The following PKD1 variants were observed in gnomAD, a reference collection of about 807,000 sequenced individuals.
PKD1 encodes the protein polycystin 1, transient receptor potential channel interacting.
Under a neutral mutation model 361.7 loss-of-function variants are expected in PKD1, and 81 were observed. The observed-to-expected ratio is 0.22, with a 90% CI of 0.19 to 0.27. The LOEUF (loss-of-function observed/expected upper bound fraction) is 0.27. Among genes scored for constraint, PKD1 ranks in the 10% least tolerant of loss-of-function variants. The pLI, the probability that PKD1 is intolerant of heterozygous loss-of-function variation, is 1.00. For synonymous variants in PKD1, 3,615 were observed against 2,818.3 expected (o/e 1.28, Z -8.95); for missense variants, 6,399 against 6,118.3 (o/e 1.05, Z -1.53).
rs780968370 is a variant in PKD1 at position 2,091,410 on chromosome 16, G to C, written c.11712+13C>G. 7.9e-6 allele frequency: 9 copies of C among 1,139,724 alleles called. No homozygotes were observed. Among genetic ancestry groups the C allele is most frequent in the South Asian group, 3.4e-5 (1 of 29,592 alleles). 70.6% of individuals were successfully genotyped at this position (1,139,724 alleles called of 1,614,324 possible). ...CGGTGGGAGGCGCGGGGTCTGGCCG[G>C]GGACGGGCGTACCGAGGTGAGCAGA... On this transcript the variant is annotated intron_variant, in intron 42 of 45. Transcript: ENST00000262304.
rs1219350396 is a variant in PKD1, at chr16:2,135,028, C to G, written c.215+447G>C. 23 of 908,174 alleles carry G rather than the reference C, an allele frequency of 2.5e-5. No individual in the cohort carries two copies. The East Asian group carries it at 1.6e-3, about 65-fold the overall frequency. 56.3% of individuals were successfully genotyped at this position (908,174 alleles called of 1,614,324 possible). A position where few individuals can be genotyped will look rare whatever the true frequency, so the allele number is the denominator to read the frequency against. Reference sequence around the variant, plus strand: ...TTCACCCCCCTTCTTCTGGACCCACCTCATCGCCCCTTCCTAAGCATCAGC... The same window carrying G: ...TTCACCCCCCTTCTTCTGGACCCACGTCATCGCCCCTTCCTAAGCATCAGC... On this transcript the variant is annotated intron_variant, in intron 1 of 45. Transcript: ENST00000262304.
At chr16:2,094,061 C>CT (rs2091733669) in intron 35 of PKD1, 31 bp downstream of exon 35, 4 of 1,588,484 alleles carry the variant, frequency 2.5e-6, no homozygotes, top group African/African-American at 1.3e-5. Flanking sequence ...CAGGGAGGGG[C>CT]TAGGGGCATC....
Position 2,100,232 on chromosome 16 carries a change from T to G in PKD1, c.9646A>C (p.Asn3216His), listed in dbSNP as rs1465842898. The G allele has an allele frequency of 9.9e-6, 16 of 1,610,468 alleles. No homozygotes were observed. The highest frequency in any genetic ancestry group is 1.4e-5 in the Non-Finnish European group (16 of 1,179,640). ...QTARSAFFLV[N>H]DWLSVETEAN... ...TCCGTCTCCACCGAAAGCCAGTCAT[T>G]GACCAGGAAGAAGGCGCTGCGTGCC... Residue 3216 changes from asparagine to histidine, a missense_variant, in exon 28 of 46, where the codon AAT (asparagine) becomes CAT (histidine). Transcript: ENST00000262304. This position sits in a 1 kb window ranked among gnomAD's most constrained non-coding sequence, Gnocchi z 4.4.
rs996127355 is a variant in PKD1 at position 2,110,577 on chromosome 16, C to G, written c.4590G>C (p.Trp1530Cys). The G allele has an allele frequency of 1.9e-6, 3 of 1,611,094 alleles. No individual in the cohort carries two copies. Among genetic ancestry groups the G allele is most frequent in the Non-Finnish European group, 2.5e-6 (3 of 1,179,802 alleles). Residue 1530 changes from tryptophan to cysteine, a missense_variant, in exon 15 of 46, where the codon TGG becomes TGC. Trp to Cys is a radical substitution (Grantham distance 215). Transcript: ENST00000262304. ...TGDFTVRVAG[W>C]NEVSRSEAWL... ...AGGCCTCGCTGCGGCTCACCTCATT[C>G]CAGCCGGCCACCCTAACGGTGAAGT...
In PKD1 at chr16:2,105,760, C is replaced by T. The variant is rs544512359; in HGVS notation, c.7863+105G>A. 355 of 1,384,880 alleles carry T rather than the reference C, an allele frequency of 2.6e-4. 4 individuals carry two copies. In the East Asian group the frequency reaches 7.8e-3, roughly 30 times the overall value. The allele number at this position is 1,384,880 out of a possible 1,614,324, so 85.8% of individuals were successfully genotyped here. ...GCTTCAGGGTCACTGGGATTTATCT[C>T]TGGGGCCCGGGATGAGCCCTCTGCA... On this transcript the variant is annotated intron_variant, in intron 20 of 45. Transcript: ENST00000262304.
At chr16:2,116,277 G>C in intron 8 of PKD1, 159 bp from the exon 9 acceptor site, 1 of 793,038 alleles carries the variant, frequency 1.3e-6, no homozygotes. Flanking sequence ...GACTCCGGTG[G>C]AAACTGTCCA....
At chr16:2,092,726 A>G (rs1045675542) in intron 38 of PKD1, 134 bp from the exon 39 acceptor site, 6 of 839,286 alleles carry the variant, frequency 7.1e-6, no homozygotes, top group South Asian at 1.4e-5. Flanking sequence ...TCTCAGCCTT[A>G]TCCTGGGGAT....
chr16:2,089,988 G>T lies in PKD1; in HGVS notation c.12651C>A (p.Ala4217=), dbSNP rs141412586. 1 of 1,611,488 alleles carries T rather than the reference G, an allele frequency of 6.2e-7. No homozygotes were observed. Reference sequence around the variant, plus strand: ...ACTGGGTGAGCAGGGCCTCGAACACGGCTTGGAGGCGGGAGGGCTCAGGCT... The same window carrying T: ...ACTGGGTGAGCAGGGCCTCGAACACTGCTTGGAGGCGGGAGGGCTCAGGCT... ...RCEPEPSRLQ[A]VFEALLTQFD... Residue 4217 remains alanine (A), a synonymous_variant, in exon 46 of 46, where the codon GCC becomes GCA. Coordinates refer to ENST00000262304, the MANE Select transcript of PKD1 (RefSeq NM_001009944.3).
chr16:2,102,568 T>A lies in PKD1; in HGVS notation c.9014A>T (p.Gln3005Leu). 2 of 1,611,106 alleles carry A rather than the reference T, an allele frequency of 1.2e-6. No homozygotes were observed. Among genetic ancestry groups the A allele is most frequent in the Non-Finnish European group, 1.7e-6 (2 of 1,179,782 alleles). Reference sequence around the variant, plus strand: ...GGACGTGTACAGGCCCACGGACACCTGCAGCGCCGACCAGCGGAAGTGGCT... The same window carrying A: ...GGACGTGTACAGGCCCACGGACACCAGCAGCGCCGACCAGCGGAAGTGGCT... ...LSSHFRWSAL[Q>L]VSVGLYTSLC... Residue 3005 changes from glutamine to leucine, a missense_variant, in exon 25 of 46, where the codon CAG becomes CTG. Transcript: ENST00000262304.
rs375782776 is a variant in PKD1 at position 2,108,329 on chromosome 16, C to T, written c.6838G>A (p.Glu2280Lys). The T allele has an allele frequency of 6.2e-6, 10 of 1,606,172 alleles. No homozygotes were observed. The highest frequency in any genetic ancestry group is 2.7e-5 in the African/African-American group (2 of 74,812). ...DTRDLVLDGS[E>K]SYDPNLEDGD... Reference sequence around the variant, plus strand: ...TCCTCCAGGTTGGGGTCGTAGGACTCGCTCCCATCCAGCACCAGGTCCCGT... The same window carrying T: ...TCCTCCAGGTTGGGGTCGTAGGACTTGCTCCCATCCAGCACCAGGTCCCGT... The change falls in exon 15 of 46, where the codon GAG becomes AAG. Residue 2280 changes from glutamate to lysine, a missense_variant. Glu to Lys is a moderately conservative substitution (Grantham distance 56, BLOSUM62 1). Transcript: ENST00000262304.
chr16:2,096,584 C>T (rs890751024), intron 34 of PKD1, among the ~76,000 whole-genome samples: 4 of 152,068 alleles, frequency 2.6e-5, no homozygotes, highest in Non-Finnish European at 2.9e-5. Flanking sequence ...GGCGCGATCT[C>T]GGCTCACTAC....
chr16:2,110,331 C>T lies in PKD1; in HGVS notation c.4836G>A (p.Thr1612=), dbSNP rs138116334. The T allele has an allele frequency of 5.6e-4, 909 of 1,612,610 alleles. 3 individuals are homozygous for T. Among genetic ancestry groups the T allele is most frequent in the Admixed American group, 1.2e-3 (73 of 60,010 alleles). The stretch of plus-strand genomic sequence containing the variant: ...GGGCGGAGCCCACCTCGTTCTCAGC[C>T]GTGACGATGATATTGAAGGTGCCCA... ...RSVGTFNIIV[T]AENEVGSAQD... Residue 1612 remains threonine (T), a synonymous_variant, in exon 15 of 46, where the codon ACG becomes ACA. Transcript: ENST00000262304.
At chr16:2,093,332 G>C in intron 37 of PKD1, 1 of 675,600 alleles carries the variant, frequency 1.5e-6, no homozygotes, top group Non-Finnish European at 2.5e-6. Context: ...GGGCCAGGCA[G>C]GAGTGGGCAT....
At position 2,092,112 on chromosome 16, in the gene PKD1, G is replaced by GTCGTAA. The variant is rs2091618795; in HGVS notation, c.11340_11345dup (p.Tyr3781_Asp3782dup). On this transcript the variant is annotated inframe_insertion, in exon 40 of 46. Transcript: ENST00000262304. ...CATTGTGAGGACTCTCCCAGCCAACGTCGTAATCGCTGGTGCTGAAGCCTC... is the reference window on the plus strand; with the variant it reads ...CATTGTGAGGACTCTCCCAGCCAACGTCGTAATCGTAATCGCTGGTGCTGAAGCCTC... The GTCGTAA allele has an allele frequency of 1.2e-6, 2 of 1,612,888 alleles. No individual in the cohort carries two copies. The highest frequency in any genetic ancestry group is 1.7e-6 in the Non-Finnish European group (2 of 1,179,994).
rs1048400815 is a variant in PKD1, at chr16:2,115,770, G to A, written c.1850-145C>T. ...GCACTCCCAGCCCAGTGCTGCGTCC[G>A]TCTCCGGCCAGCCGACTGACCCAGG... On this transcript the variant is annotated intron_variant, in intron 9 of 45. Transcript: ENST00000262304. The A allele has an allele frequency of 1.3e-5, 13 of 1,022,602 alleles. No homozygotes were observed. In the African/African-American group the frequency reaches 1.8e-4, roughly 14 times the overall value. 63.3% of individuals were successfully genotyped at this position (1,022,602 alleles called of 1,614,324 possible). A position where few individuals can be genotyped will look rare whatever the true frequency, so the allele number is the denominator to read the frequency against.
chr16:2,119,198 G>A lies in PKD1; in HGVS notation c.288-13C>T. The A allele has an allele frequency of 6.4e-7, 1 of 1,563,566 alleles. No individual in the cohort carries two copies. Among genetic ancestry groups the A allele is most frequent in the Non-Finnish European group, 8.7e-7 (1 of 1,151,058 alleles). ...GTTGCTTATATCCCTGGAAGAGACG[G>A]GGGATTCGGCAAAGCTGATGGAAGC... On this transcript the variant is annotated splice_polypyrimidine_tract_variant and intron_variant, in intron 2 of 45. Coordinates refer to ENST00000262304, the MANE Select transcript of PKD1 (RefSeq NM_001009944.3).
chr16:2,133,604 C>T (rs1416145443), intron 1 of PKD1, among the ~76,000 whole-genome samples: 2 of 152,004 alleles, frequency 1.3e-5, no homozygotes, highest in African/African-American at 4.8e-5. Flanking sequence ...CAGAGGGTGG[C>T]CTGGGGGGCC....
intron 1 of PKD1, among the ~76,000 whole-genome samples, chr16:2,120,832 C>A (rs1196935389): frequency 6.6e-6 from 1 of 152,190 alleles, no homozygotes; most frequent in African/African-American, 2.4e-5. Flanking sequence ...TCCTGGCCAA[C>A]AGGGTGAAAC....
intron 1 of PKD1, among the ~76,000 whole-genome samples, chr16:2,125,681 G>A (rs2092788813): frequency 6.6e-6 from 1 of 151,980 alleles, no homozygotes; most frequent in African/African-American, 2.4e-5. Flanking sequence ...GTGGGGTGTA[G>A]GAAGGAGAGC....
Sources: gnomAD v4.1 joint callset for allele counts (sites outside exome capture counted in the v4.1 genomes callset) on GRCh38, gnomAD v4.1.1 for gene constraint, Gnocchi (gnomAD v3.1) non-coding constraint, MANE v1.5 for transcripts, NCBI Gene and HGNC (gene_info 2026-07-23, HGNC 2026-07-21) for gene names.